The following EEF1AKMT1 variants were observed in gnomAD, a reference collection of about 807,000 sequenced individuals.
The protein encoded by EEF1AKMT1 is EEF1A lysine methyltransferase 1.
Under a neutral mutation model 21.0 loss-of-function variants are expected in EEF1AKMT1, and 18 were observed. That is an observed-to-expected ratio of 0.86 (90% confidence interval 0.59 to 1.27). The LOEUF is 1.27. Among genes scored for constraint, EEF1AKMT1 ranks in the 50% most tolerant of loss-of-function variants. EEF1AKMT1 has a pLI of 0.00. For missense variants in EEF1AKMT1, 246 were observed against 258.6 expected (o/e 0.95, Z 0.33); for synonymous variants, 109 against 94.8 (o/e 1.15, Z -0.87).
intron 4 of EEF1AKMT1, among the ~76,000 whole-genome samples, chr13:20,730,713 T>C (rs961022102): frequency 1.3e-5 from 2 of 151,966 alleles, no homozygotes; most frequent in Admixed American, 1.3e-4. Flanking sequence ...CAGCACTCTG[T>C]AAAATGGACC....
intron 1 of EEF1AKMT1, among the ~76,000 whole-genome samples, chr13:20,773,618 T>A (rs914503043): frequency 6.6e-6 from 1 of 152,168 alleles, no homozygotes; most frequent in Non-Finnish European, 1.5e-5. Flanking sequence ...GGGGGTTAAT[T>A]TCCCCGTCAG....
Position 20,748,715 on chromosome 13 carries a change from G to GGTTTTTT in EEF1AKMT1, c.144+8739_144+8740insAAAAAAC, listed in dbSNP as rs1555326495. Among the ~76,000 whole-genome samples, 260 of 105,758 alleles carry GGTTTTTT rather than the reference G, an allele frequency of 2.5e-3. 21 individuals are homozygous for GGTTTTTT. Among genetic ancestry groups the GGTTTTTT allele is most frequent in the African/African-American group, 9.4e-3 (255 of 27,102 alleles). The allele number at this position is 105,758 out of a possible 152,430, so 69.4% of individuals were successfully genotyped here. A position where few individuals can be genotyped will look rare whatever the true frequency, so the allele number is the denominator to read the frequency against. On this transcript the variant is annotated intron_variant, in intron 2 of 4. Transcript: ENST00000382758. ...TTCTTCACCCTCCTAATGTATAGTT[G>GGTTTTTT]TTTTTTTTTGGTTTTTTTTTTTTTT...
chr13:20,734,577 ATTATTTATTTATTTAT>A (rs10594463), intron 3 of EEF1AKMT1, among the ~76,000 whole-genome samples: 1 of 147,578 alleles, frequency 6.8e-6, no homozygotes, highest in South Asian at 2.1e-4. Flanking sequence ...TCTTTATTTT[ATTATTTATTTATTTAT>A]TTATTTATTT....
At chr13:20,731,740 A>G in intron 4 of EEF1AKMT1, 101 bp downstream of exon 4, 6 of 1,214,888 alleles carry the variant, frequency 4.9e-6, no homozygotes, top group Non-Finnish European at 7.0e-6. Context: ...ACTTGTTCAC[A>G]AGTCACACAG....
intron 2 of EEF1AKMT1, among the ~76,000 whole-genome samples, chr13:20,752,859 A>G (rs1033602548): frequency 5.3e-5 from 8 of 151,468 alleles, no homozygotes; most frequent in Admixed American, 2.0e-4. Flanking sequence ...TCTAGCTAGT[A>G]GTTTACTGGT....
intron 1 of EEF1AKMT1, among the ~76,000 whole-genome samples, chr13:20,762,318 C>T (rs1160493841): frequency 6.6e-6 from 1 of 151,840 alleles, no homozygotes; most frequent in Non-Finnish European, 1.5e-5. Context: ...TCCCCAGTAG[C>T]TGGGATTACA....
intron 2 of EEF1AKMT1, among the ~76,000 whole-genome samples, chr13:20,746,159 T>A (rs909171418): frequency 2.7e-5 from 4 of 146,286 alleles, no homozygotes; most frequent in African/African-American, 9.9e-5. Context: ...CTATCCATTA[T>A]TTTTTTTTTT....
chr13:20,773,229 C>A (rs997201552), intron 1 of EEF1AKMT1, among the ~76,000 whole-genome samples: 7 of 152,070 alleles, frequency 4.6e-5, no homozygotes, highest in Admixed American at 6.5e-5. Flanking sequence ...GTGTGCAGTG[C>A]GACGTTGTGA....
chr13:20,737,843 G>A (rs2058835022), intron 2 of EEF1AKMT1, 38 bp from the exon 3 acceptor site: 2 of 1,455,068 alleles, frequency 1.4e-6, no homozygotes, highest in African/African-American at 1.4e-5. Context: ...TTTTAGAACT[G>A]GCATAAGCTT....
chr13:20,749,174 C>T (rs1223936457), intron 2 of EEF1AKMT1, among the ~76,000 whole-genome samples: 1 of 152,118 alleles, frequency 6.6e-6, no homozygotes, highest in Non-Finnish European at 1.5e-5. Flanking sequence ...ATGACTGTTT[C>T]ATTTGCTTGG....
intron 2 of EEF1AKMT1, among the ~76,000 whole-genome samples, chr13:20,752,549 G>A (rs2058947915): frequency 6.6e-6 from 1 of 151,912 alleles, no homozygotes; most frequent in African/African-American, 2.4e-5. Flanking sequence ...CTATTTACTA[G>A]TATTTTGTTG....
chr13:20,770,588 T>C (rs1298913525), intron 1 of EEF1AKMT1, among the ~76,000 whole-genome samples: 2 of 152,168 alleles, frequency 1.3e-5, no homozygotes, highest in African/African-American at 2.4e-5. Flanking sequence ...CTTGTGTGCA[T>C]GCTGAACTGA....
intron 1 of EEF1AKMT1, among the ~76,000 whole-genome samples, chr13:20,762,703 G>A (rs1054909815): frequency 1.3e-5 from 2 of 151,654 alleles, no homozygotes; most frequent in Non-Finnish European, 2.9e-5. Flanking sequence ...TTGTAGAGAT[G>A]GGGTCCCACT....
At chr13:20,736,747 T>TC (rs1275251752) in intron 3 of EEF1AKMT1, among the ~76,000 whole-genome samples, 1 of 139,182 alleles carries the variant, frequency 7.2e-6, no homozygotes, top group Non-Finnish European at 1.6e-5. Context: ...TTTTTTTTTT[T>TC]TTTTTTTTGA....
chr13:20,739,067 C>T (rs149068242), intron 2 of EEF1AKMT1, among the ~76,000 whole-genome samples: 13 of 152,206 alleles, frequency 8.5e-5, no homozygotes, highest in African/African-American at 2.6e-4. Flanking sequence ...CTGGGGGGGT[C>T]GTGGTCTCGC....
intron 2 of EEF1AKMT1, among the ~76,000 whole-genome samples, chr13:20,754,432 C>T (rs1021046263): frequency 2.0e-5 from 3 of 151,996 alleles, no homozygotes; most frequent in African/African-American, 7.3e-5. Context: ...CTTTTGACTT[C>T]TGACAGTTTG....
rs1265267119 is a variant in EEF1AKMT1 at position 20,737,795 on chromosome 13, T to C, written c.155A>G (p.Gln52Arg). 1 of 1,612,092 alleles carries C rather than the reference T, an allele frequency of 6.2e-7. No homozygotes were observed. Residue 52 changes from glutamine (Q) to arginine (R), a missense_variant, in exon 3 of 5, where the codon CAG (glutamine) becomes CGG (arginine). Coordinates refer to ENST00000382758, the MANE Select transcript of EEF1AKMT1 (RefSeq NM_001318939.2). ...AGCAGTTTCCTGACTATACCAAAAC[T>C]GGCTCAGTTGCTGTAACCGAGAAAT... ...GIIEENWQLSQFWYSQETALQ... is the reference protein window; with the variant it reads ...GIIEENWQLSRFWYSQETALQ...
intron 2 of EEF1AKMT1, 113 bp downstream of exon 2, chr13:20,757,342 A>T: frequency 7.8e-7 from 1 of 1,282,802 alleles, no homozygotes; most frequent in Admixed American, 2.0e-5. Context: ...TCAGATCCCA[A>T]ATGACAGGTG....
chr13:20,730,010 C>A (rs988120467), intron 4 of EEF1AKMT1, among the ~76,000 whole-genome samples: 4 of 152,376 alleles, frequency 2.6e-5, no homozygotes, highest in African/African-American at 9.6e-5. Flanking sequence ...GCACTGGGGG[C>A]CTCCTGCCCC....
Sources: allele counts gnomAD v4.1 joint callset (sites outside exome capture counted in the v4.1 genomes callset), GRCh38; gene constraint gnomAD v4.1.1; transcripts MANE v1.5; gene names NCBI Gene and HGNC (gene_info 2026-07-23, HGNC 2026-07-21).